Variants in ARFGEF1 observed in about 807,000 individuals in gnomAD.
The protein encoded by ARFGEF1 is ARF guanine nucleotide exchange factor 1, also known as brefeldin A-inhibited guanine nucleotide-exchange protein 1.
Under a neutral mutation model 231.0 loss-of-function variants are expected in ARFGEF1, and 42 were observed. The ratio of observed to expected loss-of-function variants is 0.18; its 90% confidence interval spans 0.14 to 0.24. ARFGEF1 has a LOEUF of 0.24. Ranked by LOEUF, ARFGEF1 falls within the 10% of genes least tolerant of loss-of-function variation. The pLI, the probability that ARFGEF1 is intolerant of heterozygous loss-of-function variation, is 1.00. For missense variants in ARFGEF1, 1,345 were observed against 2,192.0 expected, an observed-to-expected ratio of 0.61 and a Z score of 7.72; for synonymous variants, 710 against 732.3, an observed-to-expected ratio of 0.97 and a Z score of 0.49.
At chr8:67,276,636 A>T (rs1319885192) in intron 8 of ARFGEF1, among the ~76,000 whole-genome samples, 1 of 152,164 alleles carries the variant, frequency 6.6e-6, no homozygotes, top group Non-Finnish European at 1.5e-5. Context: ...GAAGGAGGAA[A>T]AGAACCTGTC....
chr8:67,308,373 G>A (rs1405990556), intron 1 of ARFGEF1, among the ~76,000 whole-genome samples: 1 of 152,230 alleles, frequency 6.6e-6, no homozygotes, highest in Non-Finnish European at 1.5e-5. Flanking sequence ...GCAAATGGGA[G>A]AGACAGCTAC....
intron 37 of ARFGEF1, 148 bp from the exon 38 acceptor site, chr8:67,200,661 A>T: frequency 1.7e-6 from 1 of 603,704 alleles, no homozygotes; most frequent in East Asian, 2.7e-5. Context: ...TGGAGTGTCA[A>T]CATAAACATG....
chr8:67,322,274 C>G (rs1208484247), intron 1 of ARFGEF1, among the ~76,000 whole-genome samples: 1 of 152,234 alleles, frequency 6.6e-6, no homozygotes, highest in Non-Finnish European at 1.5e-5. Context: ...TGCCAACCTT[C>G]TAGGTAACTC....
chr8:67,302,999 G>A (rs1563902455), intron 1 of ARFGEF1, among the ~76,000 whole-genome samples: 1 of 151,850 alleles, frequency 6.6e-6, no homozygotes, highest in Non-Finnish European at 1.5e-5. Context: ...GGGGGTTGAG[G>A]TGGGAGGGTC....
chr8:67,314,743 G>A (rs963032280), intron 1 of ARFGEF1, among the ~76,000 whole-genome samples: 5 of 152,186 alleles, frequency 3.3e-5, no homozygotes, highest in African/African-American at 1.2e-4. Flanking sequence ...AACTCACAAT[G>A]CAAGCCTCCA....
chr8:67,240,017 A>T, intron 20 of ARFGEF1, 145 bp downstream of exon 20: 1 of 1,123,590 alleles, frequency 8.9e-7, no homozygotes, highest in Non-Finnish European at 1.2e-6. Flanking sequence ...TCAGAAGCTT[A>T]AACATTAAGA....
At chr8:67,190,686 A>T in intron 5 of ARFGEF1, 1 of 1,614,122 alleles carries the variant, frequency 6.2e-7, no homozygotes. Context: ...ATTGAAGATG[A>T]CGTCCTCCCT....
downstream of ARFGEF1, chr8:67,193,492 A>G (rs1837001231): frequency 1.2e-6 from 2 of 1,613,548 alleles, no homozygotes; most frequent in East Asian, 2.2e-5. Flanking sequence ...GTAGCACCAG[A>G]TGGTCTCTCT....
chr8:67,327,834 G>A (rs1375754616), intron 1 of ARFGEF1, among the ~76,000 whole-genome samples: 1 of 152,094 alleles, frequency 6.6e-6, no homozygotes, highest in Non-Finnish European at 1.5e-5. Context: ...TATATTTCAA[G>A]CACATCACTA....
downstream of ARFGEF1, chr8:67,195,449 T>C (rs778807238): frequency 1.2e-6 from 2 of 1,614,064 alleles, no homozygotes; most frequent in Non-Finnish European, 1.7e-6. Context: ...GATCAAACTC[T>C]GTAGCAACTG....
chr8:67,293,293 G>C (rs1355378726), intron 5 of ARFGEF1, among the ~76,000 whole-genome samples: 2 of 152,064 alleles, frequency 1.3e-5, no homozygotes, highest in African/African-American at 4.8e-5. Flanking sequence ...ATGTTCCTAA[G>C]ATCTTCAAAG....
chr8:67,299,429 A>C, intron 3 of ARFGEF1, 74 bp from the exon 4 acceptor site: 3 of 1,333,460 alleles, frequency 2.2e-6, no homozygotes, highest in South Asian at 2.8e-5. Flanking sequence ...ATATACATTA[A>C]AATTACAGTA....
intron 9 of ARFGEF1, among the ~76,000 whole-genome samples, chr8:67,272,402 G>A (rs1237662338): frequency 1.3e-5 from 2 of 151,816 alleles, no homozygotes; most frequent in Non-Finnish European, 2.9e-5. Context: ...TCCTGACCTC[G>A]TGATCCACCC....
intron 14 of ARFGEF1, among the ~76,000 whole-genome samples, chr8:67,263,310 C>A (rs1190016765): frequency 1.3e-5 from 2 of 151,916 alleles, no homozygotes. Flanking sequence ...TGCAAGAGTT[C>A]TTAAATGGTC....
In ARFGEF1 at chr8:67,343,271, T is replaced by G; in HGVS notation, c.17A>C (p.Lys6Thr). 8 of 1,613,734 alleles carry G rather than the reference T, an allele frequency of 5.0e-6. No individual in the cohort carries two copies. The highest frequency in any genetic ancestry group is 6.8e-6 in the Non-Finnish European group (8 of 1,179,750). ...CCGGGTCAGGAACATGTTCTTCGTC[T>G]TCTTCCCCTCATACATGGACGCAGA... MYEGKKTKNMFLTRAL... is the reference protein window; with the variant it reads MYEGKTTKNMFLTRAL... The change falls in exon 1 of 39, where the codon AAG becomes ACG. Residue 6 changes from lysine (K) to threonine (T), a missense_variant. Coordinates refer to ENST00000262215, the MANE Select transcript of ARFGEF1 (RefSeq NM_006421.5).
chr8:67,193,164 T>TGGA (rs1836888130), downstream of ARFGEF1, among the ~76,000 whole-genome samples: 1 of 152,178 alleles, frequency 6.6e-6, no homozygotes, highest in African/African-American at 2.4e-5. Context: ...TCTCCCAGGC[T>TGGA]GGAGTCCAGT....
chr8:67,216,090 G>A (rs1046568560), intron 33 of ARFGEF1, among the ~76,000 whole-genome samples: 1 of 152,020 alleles, frequency 6.6e-6, no homozygotes, highest in Non-Finnish European at 1.5e-5. Flanking sequence ...CATATTAATT[G>A]TCTGTGACAT....
intron 19 of ARFGEF1, among the ~76,000 whole-genome samples, chr8:67,248,752 A>C (rs1039098557): frequency 6.6e-6 from 1 of 150,574 alleles, no homozygotes; most frequent in Non-Finnish European, 1.5e-5. Flanking sequence ...AATACTCTCC[A>C]GCTCCACCAT....
intron 1 of ARFGEF1, among the ~76,000 whole-genome samples, chr8:67,311,625 C>T (rs1388931406): frequency 6.7e-6 from 1 of 148,812 alleles, no homozygotes; most frequent in African/African-American, 2.5e-5. Flanking sequence ...GGGGGTCAGC[C>T]CCCCCGCCCA....
Sources: allele counts gnomAD v4.1 joint callset (sites outside exome capture counted in the v4.1 genomes callset), GRCh38; gene constraint gnomAD v4.1.1; transcripts MANE v1.5; gene names NCBI Gene and HGNC (gene_info 2026-07-23, HGNC 2026-07-21).